Variants in GRIK3 observed in about 807,000 individuals in gnomAD.
The protein encoded by GRIK3 is glutamate ionotropic receptor kainate type subunit 3.
GRIK3 carries 29 observed loss-of-function variants against 102.5 expected under a neutral mutation model. The observed-to-expected ratio is 0.28, with a 90% confidence interval of 0.21 to 0.39. The LOEUF (loss-of-function observed/expected upper bound fraction) is 0.39. GRIK3 is among the 10% of genes least tolerant of loss of function. GRIK3 has a pLI of 1.00. For missense variants in GRIK3, 908 were observed against 1,252.4 expected, an observed-to-expected ratio of 0.73 and a Z score of 4.15; for synonymous variants, 511 against 504.9, an observed-to-expected ratio of 1.01 and a Z score of -0.16.
chr1:36,873,642 C>T (rs968596945), intron 3 of GRIK3, among the ~76,000 whole-genome samples: 1 of 150,426 alleles, frequency 6.6e-6, no homozygotes, highest in African/African-American at 2.4e-5. Context: ...CCCACCCCTG[C>T]CCCCCCACCA....
At chr1:37,004,562 C>CTTG (rs1642511696) in intron 1 of GRIK3, among the ~76,000 whole-genome samples, 1 of 152,178 alleles carries the variant, frequency 6.6e-6, no homozygotes. Context: ...GCTCTTGAAT[C>CTTG]AACAGGCTTT....
chr1:37,034,049 G>T lies in GRIK3; in HGVS notation c.60C>A (p.Leu20=). 3 of 1,606,740 alleles carry T rather than the reference G, an allele frequency of 1.9e-6. No homozygotes were observed. Among genetic ancestry groups the T allele is most frequent in the Non-Finnish European group, 2.5e-6 (3 of 1,177,308 alleles). The change falls in exon 1 of 16, where the codon CTC becomes CTA. Residue 20 remains leucine, a synonymous_variant. Transcript: ENST00000373091. ...SLVWEYWAGL[L]VCAFWIPDSR... The stretch of plus-strand genomic sequence containing the variant: ...AGTCCGGGATCCAGAAGGCGCACAC[G>T]AGGAGCCCGGCCCAGTATTCCCAAA...
At chr1:37,013,418 G>T (rs369565536) in intron 1 of GRIK3, among the ~76,000 whole-genome samples, 1 of 152,228 alleles carries the variant, frequency 6.6e-6, no homozygotes, top group Non-Finnish European at 1.5e-5. Context: ...TTGGATGAGT[G>T]TGTGTATGCC....
At chr1:36,858,405 C>T (rs1640677883) in intron 7 of GRIK3, among the ~76,000 whole-genome samples, 1 of 152,322 alleles carries the variant, frequency 6.6e-6, no homozygotes, top group East Asian at 1.9e-4. Context: ...GGACAATAAG[C>T]CCTGCCATCC....
At chr1:36,870,328 G>A (rs1416010062) in intron 4 of GRIK3, among the ~76,000 whole-genome samples, 1 of 152,222 alleles carries the variant, frequency 6.6e-6, no homozygotes, top group African/African-American at 2.4e-5. Flanking sequence ...CCTTAGTCCT[G>A]GCTGACCACA....
chr1:36,861,596 A>G (rs1409220838), intron 5 of GRIK3, among the ~76,000 whole-genome samples: 1 of 152,194 alleles, frequency 6.6e-6, no homozygotes, highest in Admixed American at 6.5e-5. Context: ...TAAAGCCTAG[A>G]GACCTTTCAT....
chr1:36,880,938 G>C lies in GRIK3; in HGVS notation c.293-47C>G. The C allele has an allele frequency of 1.3e-6, 2 of 1,547,014 alleles. No homozygotes were observed. Among genetic ancestry groups the C allele is most frequent in the Non-Finnish European group, 1.7e-6 (2 of 1,143,482 alleles). ...CACAGGGGTCAGCACTGGGGCTGTGGGTATGGGGACAGTGATGCTGATGAT... is the reference window on the plus strand; with the variant it reads ...CACAGGGGTCAGCACTGGGGCTGTGCGTATGGGGACAGTGATGCTGATGAT... On this transcript the variant is annotated intron_variant, in intron 2 of 15. Transcript: ENST00000373091. The surrounding 1 kb of genome is among the most constrained non-coding windows in gnomAD (Gnocchi z 5.4).
chr1:36,915,949 C>T (rs760335782), intron 1 of GRIK3, among the ~76,000 whole-genome samples: 25 of 152,012 alleles, frequency 1.6e-4, no homozygotes, highest in Admixed American at 3.9e-4. Context: ...AACTGGGTAA[C>T]GGGCAGAGGT....
rs1360717464 is a variant in GRIK3 at position 36,927,201 on chromosome 1, C to G, written c.116-36105G>C. On this transcript the variant is annotated intron_variant, in intron 1 of 15. Transcript: ENST00000373091. ...CAAGAGCTCTAACAGTCATGCAGCC[C>G]AGGGTGTGCAGACAGTAAGATTTGT... 2.0e-5 allele frequency among the ~76,000 whole-genome samples: 3 copies of G among 152,168 alleles called. No homozygotes were observed. The East Asian group carries it at 5.8e-4, about 29-fold the overall frequency.
chr1:36,953,853 C>G (rs888378337), intron 1 of GRIK3, among the ~76,000 whole-genome samples: 8 of 152,138 alleles, frequency 5.3e-5, no homozygotes, highest in Non-Finnish European at 1.0e-4. Flanking sequence ...AGAAGCTCCC[C>G]TGGAGGGGAA....
chr1:36,805,531 A>G (rs1642489548), intron 14 of GRIK3, among the ~76,000 whole-genome samples: 1 of 152,208 alleles, frequency 6.6e-6, no homozygotes. Flanking sequence ...GAAGGCAGGA[A>G]TGGCCTCTGG....
intron 1 of GRIK3, among the ~76,000 whole-genome samples, chr1:36,979,382 C>A (rs1358132922): frequency 3.3e-5 from 5 of 152,250 alleles, no homozygotes. Context: ...GTTTTGGTCT[C>A]TTGACACAAC....
chr1:36,999,922 G>C (rs1642457388), intron 1 of GRIK3, among the ~76,000 whole-genome samples: 1 of 151,396 alleles, frequency 6.6e-6, no homozygotes, highest in African/African-American at 2.4e-5. Flanking sequence ...GCTTGAACCT[G>C]GGAGGCAGAG....
intron 7 of GRIK3, 110 bp from the exon 8 acceptor site, chr1:36,853,832 C>T (rs1640616303): frequency 2.3e-5 from 16 of 684,402 alleles, no homozygotes; most frequent in Non-Finnish European, 4.0e-5. Flanking sequence ...ACTGTTCCCC[C>T]AAGACCATGA....
intron 10 of GRIK3, among the ~76,000 whole-genome samples, chr1:36,835,130 C>T (rs1640359273): frequency 6.6e-6 from 1 of 152,240 alleles, no homozygotes; most frequent in East Asian, 1.9e-4. Context: ...TCCCTAGTCA[C>T]TGCTCTGGGT....
intron 1 of GRIK3, among the ~76,000 whole-genome samples, chr1:37,017,285 G>GCA (rs1435710296): frequency 4.9e-5 from 7 of 142,050 alleles, no homozygotes; most frequent in Non-Finnish European, 1.5e-5. Context: ...TGTAATTCCA[G>GCA]CACTCTGGGA....
Position 36,801,964 on chromosome 1 carries a change from G to C in GRIK3, c.2647C>G (p.Pro883Ala). ...QRRVKHKPQP[P>A]MMVKTDAVIN... ...ACGGCGTCAGTCTTGACCATCATGG[G>C]AGGCTGAGGCTTGTGCTTGACTCGA... is the stretch of plus-strand genomic sequence containing the variant. The change falls in exon 16 of 16, where the codon CCC becomes GCC. Residue 883 changes from proline (P) to alanine (A), a missense_variant. Around this residue, in one of 3 missense-constraint regions of GRIK3, gnomAD observed 297 missense variants for 362.7 expected, o/e 0.82. Coordinates refer to ENST00000373091, the MANE Select transcript of GRIK3 (RefSeq NM_000831.4). 1 of 1,614,092 alleles carries C rather than the reference G, an allele frequency of 6.2e-7. No individual in the cohort carries two copies.
intron 10 of GRIK3, among the ~76,000 whole-genome samples, chr1:36,827,827 A>G (rs775235073): frequency 3.9e-5 from 6 of 152,004 alleles, no homozygotes; most frequent in African/African-American, 7.3e-5. Flanking sequence ...TGCCTACCCA[A>G]TGTTTCTCCT....
intron 1 of GRIK3, among the ~76,000 whole-genome samples, chr1:37,021,433 T>C (rs1327328376): frequency 6.6e-6 from 1 of 152,036 alleles, no homozygotes; most frequent in Non-Finnish European, 1.5e-5. Context: ...TGCTGAAAGA[T>C]TTCCTGGATC....
Sources: allele counts gnomAD v4.1 joint callset (sites outside exome capture counted in the v4.1 genomes callset), GRCh38; gene constraint gnomAD v4.1.1; regional missense constraint gnomAD v4.1.1; non-coding constraint Gnocchi (gnomAD v3.1); transcripts MANE v1.5; gene names NCBI Gene and HGNC (gene_info 2026-07-23, HGNC 2026-07-21).